RASGEF1C: variants seen among roughly 807,000 people sequenced by gnomAD.
RASGEF1C encodes the protein RasGEF domain family member 1C, also known as ras-GEF domain-containing family member 1C.
Under a neutral mutation model 58.1 loss-of-function variants are expected in RASGEF1C, and 27 were observed. The observed-to-expected ratio is 0.46, with a 90% CI of 0.34 to 0.64. The LOEUF is 0.64. Ranked by LOEUF, RASGEF1C falls within the 30% of genes least tolerant of loss-of-function variation. RASGEF1C has a pLI of 0.01. For synonymous variants in RASGEF1C, 243 were observed against 246.3 expected, an observed-to-expected ratio of 0.99 and a Z score of 0.13; for missense variants, 502 against 605.1, an observed-to-expected ratio of 0.83 and a Z score of 1.79.
Position 180,209,153 on chromosome 5 carries a change from GACC to G in RASGEF1C, c.-135_-133del, listed in dbSNP as rs1756556932. On this transcript the variant is annotated 5_prime_UTR_variant, in exon 1 of 14. Coordinates refer to ENST00000361132, the MANE Select transcript of RASGEF1C (RefSeq NM_175062.4). Reference sequence around the variant, plus strand: ...GCCGCCGCCGCCGCCGCCGCCGCCCGACCGCCCGGCTCCCAGCGCAGCCCGCAC... The same window carrying G: ...GCCGCCGCCGCCGCCGCCGCCGCCCGGCCCGGCTCCCAGCGCAGCCCGCAC... The G allele has an allele frequency of 2.1e-5, 3 of 144,776 alleles. No individual in the cohort carries two copies. The highest frequency in any genetic ancestry group is 4.6e-5 in the Non-Finnish European group (3 of 65,360). The allele number at this position is 144,776 out of a possible 1,614,324, so 9.0% of individuals were successfully genotyped here.
intron 1 of RASGEF1C, among the ~76,000 whole-genome samples, chr5:180,185,569 G>C (rs1161350216): frequency 6.6e-6 from 1 of 151,284 alleles, no homozygotes; most frequent in Non-Finnish European, 1.5e-5. Flanking sequence ...TGGGTGACAA[G>C]AGTGAAACTC....
chr5:180,134,701 A>G (rs990434877), intron 4 of RASGEF1C, among the ~76,000 whole-genome samples: 1 of 149,078 alleles, frequency 6.7e-6, no homozygotes, highest in Non-Finnish European at 1.5e-5. Flanking sequence ...TCCACCATTC[A>G]CTTTCACTCA....
chr5:180,157,335 A>G (rs1247805666), intron 1 of RASGEF1C, among the ~76,000 whole-genome samples: 3 of 152,166 alleles, frequency 2.0e-5, no homozygotes, highest in African/African-American at 7.2e-5. Flanking sequence ...GAAATGAAGT[A>G]TCAGGGCTGG....
intron 1 of RASGEF1C, among the ~76,000 whole-genome samples, chr5:180,196,012 G>A (rs184971146): frequency 6.6e-6 from 1 of 152,148 alleles, no homozygotes; most frequent in Non-Finnish European, 1.5e-5. Flanking sequence ...GACGCTGTGC[G>A]ATGGCTCAGT....
At position 180,115,416 on chromosome 5, in the gene RASGEF1C, G is replaced by T. The variant is rs1404188643; in HGVS notation, c.1084-875C>A. The T allele has an allele frequency of 2.0e-5, 7 of 346,302 alleles. No individual in the cohort carries two copies. The East Asian group carries it at 5.3e-4, about 26-fold the overall frequency. The allele number at this position is 346,302 out of a possible 1,614,324, so 21.5% of individuals were successfully genotyped here. On this transcript the variant is annotated intron_variant, in intron 10 of 13. Coordinates refer to ENST00000361132, the MANE Select transcript of RASGEF1C (RefSeq NM_175062.4). ...CTCCACTGCCTGAAGGAAAAGAAAG[G>T]CTCACGGACCCCGCCTGTGAAGGGC...
Position 180,155,899 on chromosome 5 carries a change from A to G in RASGEF1C, c.-6-17841T>C, listed in dbSNP as rs1006305644. ...AGGGTGGGAACCGGAGTCCTGGCCAAGAGGGCACTGTCCCCCCCTCACTGC... is the reference window on the plus strand; with the variant it reads ...AGGGTGGGAACCGGAGTCCTGGCCAGGAGGGCACTGTCCCCCCCTCACTGC... On this transcript the variant is annotated intron_variant, in intron 1 of 13. Transcript: ENST00000361132. This position sits in a 1 kb window ranked among gnomAD's most constrained non-coding sequence, Gnocchi z 5.2. 6.6e-6 allele frequency among the ~76,000 whole-genome samples: 1 copy of G among 152,160 alleles called. No individual in the cohort carries two copies. The highest frequency in any genetic ancestry group is 2.4e-5 in the African/African-American group (1 of 41,444).
At chr5:180,187,260 T>C (rs879538388) in intron 1 of RASGEF1C, among the ~76,000 whole-genome samples, 6 of 152,162 alleles carry the variant, frequency 3.9e-5, no homozygotes, top group Admixed American at 6.6e-5. Context: ...CATATATAAT[T>C]ATTAATTCAA....
intron 12 of RASGEF1C, 150 bp downstream of exon 12, chr5:180,111,307 G>T (rs1765954851): frequency 2.0e-6 from 2 of 1,024,918 alleles, no homozygotes; most frequent in Non-Finnish European, 1.4e-6. Context: ...CAGCCAGGGG[G>T]ATGGAGCCCT....
chr5:180,152,776 G>T (rs556971580), intron 1 of RASGEF1C, among the ~76,000 whole-genome samples: 16 of 151,798 alleles, frequency 1.1e-4, no homozygotes, highest in Non-Finnish European at 1.9e-4. Context: ...GCTGGGCGTG[G>T]TGGCAGCGCC....
At position 180,205,626 on chromosome 5, in the gene RASGEF1C, A is replaced by T. The variant is rs76870317; in HGVS notation, c.-7+3402T>A. Reference sequence around the variant, plus strand: ...AAGCGATGGAAGGAACTTGCCCACCACATGTTAAAACACAACAAGGAGAGT... The same window carrying T: ...AAGCGATGGAAGGAACTTGCCCACCTCATGTTAAAACACAACAAGGAGAGT... On this transcript the variant is annotated intron_variant, in intron 1 of 13. Transcript: ENST00000361132. Among the ~76,000 whole-genome samples the T allele has an allele frequency of 8.0e-3, 1,222 of 152,264 alleles. 11 individuals are homozygous for T. The highest frequency in any genetic ancestry group is 0.056 in the East Asian group (290 of 5,194).
At position 180,109,195 on chromosome 5, in the gene RASGEF1C, G is replaced by A. The variant is rs1441195317; in HGVS notation, c.1303+2262C>T. Among the ~76,000 whole-genome samples the A allele has an allele frequency of 4.6e-5, 7 of 152,272 alleles. No individual in the cohort carries two copies. The South Asian group carries it at 8.3e-4, about 18-fold the overall frequency. On this transcript the variant is annotated intron_variant, in intron 12 of 13. Coordinates refer to ENST00000361132, the MANE Select transcript of RASGEF1C (RefSeq NM_175062.4). ...AGTAGGGCCAGGCGTGGTGGCTCAC[G>A]CCTGTAATCCCAGCACTTTGGGAGG...
At chr5:180,131,527 AG>A (rs1302456635) in intron 4 of RASGEF1C, among the ~76,000 whole-genome samples, 1 of 152,204 alleles carries the variant, frequency 6.6e-6, no homozygotes, top group East Asian at 1.9e-4. Flanking sequence ...TAGAGCTGTC[AG>A]GGAAATGATT....
At chr5:180,191,480 C>A (rs866689078) in intron 1 of RASGEF1C, among the ~76,000 whole-genome samples, 1 of 152,180 alleles carries the variant, frequency 6.6e-6, no homozygotes, top group Non-Finnish European at 1.5e-5. Flanking sequence ...CCTCAGCCTC[C>A]CAAGTAGCTG....
At chr5:180,164,014 G>A (rs1370484692) in intron 1 of RASGEF1C, among the ~76,000 whole-genome samples, 1 of 152,128 alleles carries the variant, frequency 6.6e-6, no homozygotes, top group East Asian at 1.9e-4. Context: ...TCAAATTTAT[G>A]TGTGTAGCGT....
chr5:180,190,407 G>C (rs907510229), intron 1 of RASGEF1C, among the ~76,000 whole-genome samples: 2 of 149,216 alleles, frequency 1.3e-5, no homozygotes, highest in African/African-American at 4.9e-5. Flanking sequence ...GGAGAGTGGC[G>C]TGAACCTGGG....
rs982034445 is a variant in RASGEF1C at position 180,156,807 on chromosome 5, A to G, written c.-6-18749T>C. ...TAAATAAAATAAAACATACAAAGAAATCTTACAACTTAATAATAAGAAAAC... is the reference window on the plus strand; with the variant it reads ...TAAATAAAATAAAACATACAAAGAAGTCTTACAACTTAATAATAAGAAAAC... On this transcript the variant is annotated intron_variant, in intron 1 of 13. Coordinates refer to ENST00000361132, the MANE Select transcript of RASGEF1C (RefSeq NM_175062.4). The surrounding 1 kb of genome is among the most constrained non-coding windows in gnomAD (Gnocchi z 4.9). 1.3e-5 allele frequency among the ~76,000 whole-genome samples: 2 copies of G among 152,168 alleles called. No individual in the cohort carries two copies. Among genetic ancestry groups the G allele is most frequent in the Admixed American group, 6.6e-5 (1 of 15,258 alleles).
intron 1 of RASGEF1C, among the ~76,000 whole-genome samples, chr5:180,146,341 C>G (rs926836086): frequency 6.6e-6 from 1 of 152,120 alleles, no homozygotes; most frequent in African/African-American, 2.4e-5. Context: ...ACTTTTAACA[C>G]GGTTTCACCA....
rs1473325187 is a variant in RASGEF1C at position 180,137,730 on chromosome 5, A to T, written c.178-18T>A. 1.2e-6 allele frequency: 2 copies of T among 1,612,716 alleles called. No individual in the cohort carries two copies. The highest frequency in any genetic ancestry group is 1.7e-6 in the Non-Finnish European group (2 of 1,179,798). ...TAGGCTTTCTGGGGGACACACGAGAAAGAGGGCACAGGCTCAGGAGGGCAC... is the reference window on the plus strand; with the variant it reads ...TAGGCTTTCTGGGGGACACACGAGATAGAGGGCACAGGCTCAGGAGGGCAC... On this transcript the variant is annotated intron_variant, in intron 2 of 13. Transcript: ENST00000361132. The surrounding 1 kb of genome is among the most constrained non-coding windows in gnomAD (Gnocchi z 4.1).
chr5:180,173,721 T>A (rs565154265), intron 1 of RASGEF1C, among the ~76,000 whole-genome samples: 1 of 152,084 alleles, frequency 6.6e-6, no homozygotes, highest in African/African-American at 2.4e-5. Flanking sequence ...GAGACCAGCC[T>A]GGCCAACATG....
Sources: allele counts gnomAD v4.1 joint callset (sites outside exome capture counted in the v4.1 genomes callset), GRCh38; gene constraint gnomAD v4.1.1; non-coding constraint Gnocchi (gnomAD v3.1); transcripts MANE v1.5; gene names NCBI Gene and HGNC (gene_info 2026-07-23, HGNC 2026-07-21).